The following MYRIP variants were observed in gnomAD, a reference collection of about 807,000 sequenced individuals.
MYRIP encodes rab effector MyRIP.
In MYRIP, 49 loss-of-function variants were observed where a neutral mutation model predicts 98.0. The ratio of observed to expected loss-of-function variants is 0.50; its 90% CI spans 0.40 to 0.63. The LOEUF (loss-of-function observed/expected upper bound fraction) is 0.63, where lower values mean the gene tolerates loss of function less well. Among genes scored for constraint, MYRIP ranks in the 30% least tolerant of loss-of-function variants. The pLI, the probability that MYRIP is intolerant of heterozygous loss-of-function variation, is 0.00. For missense variants in MYRIP, 1,004 were observed against 1,058.2 expected, an observed-to-expected ratio of 0.95 and a Z score of 0.71; for synonymous variants, 404 against 409.5, an observed-to-expected ratio of 0.99 and a Z score of 0.16.
chr3:39,835,753 T>A (rs1482053390), intron 1 of MYRIP, among the ~76,000 whole-genome samples: 1 of 152,062 alleles, frequency 6.6e-6, no homozygotes, highest in Non-Finnish European at 1.5e-5. Flanking sequence ...TGCCCTCCAT[T>A]CCCCAATAGG....
chr3:40,126,747 G>A (rs991714350), intron 3 of MYRIP, among the ~76,000 whole-genome samples: 7 of 152,038 alleles, frequency 4.6e-5, no homozygotes, highest in South Asian at 2.1e-4. Flanking sequence ...TTTATTTGAC[G>A]GTCCCTGTAT....
At chr3:40,214,688 T>A (rs1952063789) in intron 11 of MYRIP, among the ~76,000 whole-genome samples, 1 of 152,174 alleles carries the variant, frequency 6.6e-6, no homozygotes, top group African/African-American at 2.4e-5. Flanking sequence ...CCACCAGACC[T>A]CAGCGGTCAG....
In MYRIP at chr3:40,071,061, T is replaced by C. The variant is rs1948215062; in HGVS notation, c.332+26790T>C. On this transcript the variant is annotated intron_variant, in intron 3 of 16. Transcript: ENST00000302541. ...AGGCAAAGCCAAAGCAAGATGCATTTGCCTTTTGACATAAGAATCTGTGGT... is the reference window on the plus strand; with the variant it reads ...AGGCAAAGCCAAAGCAAGATGCATTCGCCTTTTGACATAAGAATCTGTGGT... 1.9e-5 allele frequency: 17 copies of C among 872,602 alleles called. No individual in the cohort carries two copies. The East Asian group carries it at 6.0e-4, about 31-fold the overall frequency. 54.1% of individuals were successfully genotyped at this position (872,602 alleles called of 1,614,324 possible). A position where few individuals can be genotyped will look rare whatever the true frequency, so the allele number is the denominator to read the frequency against.
intron 3 of MYRIP, among the ~76,000 whole-genome samples, chr3:40,096,522 A>G (rs1274240899): frequency 1.3e-5 from 2 of 152,230 alleles, no homozygotes; most frequent in Non-Finnish European, 2.9e-5. Context: ...ACTCCCCGCA[A>G]CCACAGCAAA....
intron 1 of MYRIP, among the ~76,000 whole-genome samples, chr3:39,898,261 G>T (rs534555159): frequency 6.6e-6 from 1 of 152,266 alleles, no homozygotes; most frequent in East Asian, 1.9e-4. Context: ...CATTAATGGA[G>T]TGAAAAATAA....
At chr3:40,037,066 GTAGA>G (rs1248953379) in intron 2 of MYRIP, among the ~76,000 whole-genome samples, 2 of 151,942 alleles carry the variant, frequency 1.3e-5, no homozygotes, top group Non-Finnish European at 2.9e-5. Context: ...AAAAGGCATG[GTAGA>G]TAGAAAATAA....
intron 10 of MYRIP, among the ~76,000 whole-genome samples, chr3:40,204,611 C>A (rs1012404298): frequency 6.6e-6 from 1 of 152,080 alleles, no homozygotes; most frequent in Non-Finnish European, 1.5e-5. Context: ...GAAAACTTGG[C>A]CTCTTGTGAT....
intron 1 of MYRIP, among the ~76,000 whole-genome samples, chr3:39,884,887 G>T (rs1261395510): frequency 1.4e-5 from 2 of 145,166 alleles, no homozygotes; most frequent in Non-Finnish European, 3.0e-5. Flanking sequence ...AAAAATCAAA[G>T]AAAATGAATC....
chr3:40,074,667 C>T (rs1948304704), intron 3 of MYRIP, among the ~76,000 whole-genome samples: 1 of 151,946 alleles, frequency 6.6e-6, no homozygotes, highest in African/African-American at 2.4e-5. Context: ...CAGAAAAGCT[C>T]AAGAGAATGA....
At chr3:39,923,256 G>C (rs1944343761) in intron 2 of MYRIP, among the ~76,000 whole-genome samples, 1 of 151,974 alleles carries the variant, frequency 6.6e-6, no homozygotes, top group Non-Finnish European at 1.5e-5. Flanking sequence ...AAGGAAAGGA[G>C]AAAGAGAGTT....
intron 2 of MYRIP, among the ~76,000 whole-genome samples, chr3:40,019,844 T>C (rs1946952234): frequency 6.6e-6 from 1 of 152,312 alleles, no homozygotes; most frequent in East Asian, 1.9e-4. Flanking sequence ...TACTCTACTT[T>C]GGAAAGAAAA....
At chr3:39,865,739 T>A (rs2125623791) in intron 1 of MYRIP, among the ~76,000 whole-genome samples, 1 of 152,280 alleles carries the variant, frequency 6.6e-6, no homozygotes, top group African/African-American at 2.4e-5. Context: ...TGTAAATAAA[T>A]TCATCTGTTT....
In MYRIP at chr3:40,188,184, T is replaced by C. The variant is rs1409473178; in HGVS notation, c.1028-1642T>C. On this transcript the variant is annotated intron_variant, in intron 9 of 16. Transcript: ENST00000302541. The stretch of plus-strand genomic sequence containing the variant: ...ACCAGCATCTGAATTCCCCTAAGGC[T>C]GTGGTTCTGAAACAGGCTTAGCAGG... Among the ~76,000 whole-genome samples, 5 of 152,210 alleles carry C rather than the reference T, an allele frequency of 3.3e-5. No homozygotes were observed. The East Asian group carries it at 9.6e-4, about 29-fold the overall frequency.
intron 11 of MYRIP, among the ~76,000 whole-genome samples, chr3:40,222,432 T>C (rs1952363841): frequency 6.6e-6 from 1 of 152,116 alleles, no homozygotes. Context: ...CTCAGTTTAG[T>C]CCAGTGTCTG....
At chr3:40,249,159 G>A (rs1192620502) in intron 13 of MYRIP, among the ~76,000 whole-genome samples, 1 of 152,194 alleles carries the variant, frequency 6.6e-6, no homozygotes, top group African/African-American at 2.4e-5. Context: ...GAGAGGCAAT[G>A]GAGACCTCAT....
intron 1 of MYRIP, among the ~76,000 whole-genome samples, chr3:39,892,186 G>A (rs1470433825): frequency 1.3e-5 from 2 of 152,100 alleles, no homozygotes; most frequent in African/African-American, 2.4e-5. Flanking sequence ...TAGGGTGAGG[G>A]TTTAGAATGT....
intron 2 of MYRIP, among the ~76,000 whole-genome samples, chr3:39,949,529 A>G (rs1252116700): frequency 6.6e-6 from 1 of 152,160 alleles, no homozygotes; most frequent in African/African-American, 2.4e-5. Flanking sequence ...GCTGCATAAA[A>G]TGCCACACAA....
In MYRIP at chr3:40,258,635, T is replaced by C. The variant is rs1401782849; in HGVS notation, c.*469T>C. ...GCTTATTAATCTCTCACAAGCATCT[T>C]TGTCTTGCAAATCCTAAGGGAAAAG... is the stretch of plus-strand genomic sequence containing the variant. On this transcript the variant is annotated 3_prime_UTR_variant, in exon 17 of 17. Transcript: ENST00000302541. The C allele has an allele frequency of 6.1e-6, 1 of 164,120 alleles. No individual in the cohort carries two copies. The highest frequency in any genetic ancestry group is 1.3e-5 in the Non-Finnish European group (1 of 74,100). The allele number at this position is 164,120 out of a possible 1,614,324, so 10.2% of individuals were successfully genotyped here.
At chr3:39,942,230 C>T (rs146037773) in intron 2 of MYRIP, among the ~76,000 whole-genome samples, 24 of 152,236 alleles carry the variant, frequency 1.6e-4, no homozygotes, top group East Asian at 3.9e-4. Context: ...AACAGGGCCA[C>T]GTCACTGCAG....
Sources: gnomAD v4.1 joint callset for allele counts (sites outside exome capture counted in the v4.1 genomes callset) on GRCh38, gnomAD v4.1.1 for gene constraint, MANE v1.5 for transcripts, NCBI Gene and HGNC (gene_info 2026-07-23, HGNC 2026-07-21) for gene names.